The following LILRB1 variants were observed in gnomAD, a reference collection of about 807,000 sequenced individuals.
LILRB1 encodes the protein leukocyte immunoglobulin like receptor B1.
A neutral mutation model predicts 74.6 loss-of-function variants in LILRB1; 59 were observed. That is an observed-to-expected ratio of 0.79 (90% CI 0.64 to 0.98). The LOEUF (loss-of-function observed/expected upper bound fraction) is 0.98, where lower values mean the gene tolerates loss of function less well. Ranked by LOEUF, LILRB1 falls within the 50% of genes least tolerant of loss-of-function variation. The pLI, the probability that LILRB1 is intolerant of heterozygous loss-of-function variation, is 0.00. For synonymous variants in LILRB1, 328 were observed against 333.9 expected (o/e 0.98, Z 0.19); for missense variants, 804 against 822.6 (o/e 0.98, Z 0.28).
chr19:54,630,812 C>T (rs964702858), intron 1 of LILRB1, 179 bp downstream of exon 1: 4 of 761,948 alleles, frequency 5.2e-6, no homozygotes, highest in Non-Finnish European at 4.4e-6. Flanking sequence ...ACAAACCAGA[C>T]AGACGGTGGC....
In LILRB1 at chr19:54,632,613, G is replaced by C. The variant is rs201049465; in HGVS notation, c.811G>C (p.Ala271Pro). The C allele has an allele frequency of 1.9e-6, 3 of 1,613,104 alleles. No homozygotes were observed. The highest frequency in any genetic ancestry group is 2.2e-5 in the East Asian group (1 of 44,836). The change falls in exon 6 of 15, where the codon GCA becomes CCA. Residue 271 changes from alanine to proline, a missense_variant. Physicochemically the swap from Ala to Pro is conservative, Grantham distance 27. Coordinates refer to ENST00000324602, the MANE Select transcript of LILRB1 (RefSeq NM_001081637.3). ...ACGTGACTTCCTTCAGCTCGCTGGC[G>C]CACAGCCCCAGGCTGGGCTCTCCCA... ...GERDFLQLAG[A>P]QPQAGLSQAN... is the part of the protein sequence containing the mutation.
intron 5 of LILRB1, 31 bp downstream of exon 5, chr19:54,632,268 C>T: frequency 6.3e-7 from 1 of 1,598,442 alleles, no homozygotes; most frequent in Non-Finnish European, 8.5e-7. Context: ...CCTGGAGTTC[C>T]CTGAGTCTCC....
At chr19:54,635,904 G>T in intron 13 of LILRB1, 1 of 630,764 alleles carries the variant, frequency 1.6e-6, no homozygotes, top group Non-Finnish European at 3.0e-6. Context: ...CGGTCCCCCA[G>T]GCTCCCCTTC....
rs1006896808 is a variant in LILRB1, at chr19:54,635,038, A to C, written c.1487-66A>C. On this transcript the variant is annotated intron_variant, in intron 10 of 14. Coordinates refer to ENST00000324602, the MANE Select transcript of LILRB1 (RefSeq NM_001081637.3). ...TTTTAGGTTTCCTTCCTTACCTTCG[A>C]GCTGTGTGTGCAGGGCAGGGGGCTC... 2.7e-5 allele frequency: 34 copies of C among 1,282,722 alleles called. No homozygotes were observed. The African/African-American group carries it at 4.7e-4, about 18-fold the overall frequency. 79.5% of individuals were successfully genotyped at this position (1,282,722 alleles called of 1,614,324 possible). A position where few individuals can be genotyped will look rare whatever the true frequency, so the allele number is the denominator to read the frequency against.
chr19:54,633,242 C>T lies in LILRB1; in HGVS notation c.1185C>T (p.Tyr395=). The change falls in exon 7 of 15, where the codon TAC becomes TAT. Residue 395 remains tyrosine, a synonymous_variant. Transcript: ENST00000324602. The part of the protein sequence containing the change: ...GPVTSAHAGT[Y]RCYGSQSSKP... ...TGACCTCAGCCCATGCGGGGACCTACAGGTGCTACGGCTCACAGAGCTCCA... is the reference window on the plus strand; with the variant it reads ...TGACCTCAGCCCATGCGGGGACCTATAGGTGCTACGGCTCACAGAGCTCCA... The T allele has an allele frequency of 6.2e-7, 1 of 1,614,146 alleles. No homozygotes were observed.
intron 1 of LILRB1, among the ~76,000 whole-genome samples, chr19:54,619,115 G>A (rs111791924): frequency 0.045 from 6,835 of 152,014 alleles, 214 homozygotes; most frequent in Non-Finnish European, 0.063. Flanking sequence ...CAAGATAAAT[G>A]GAAACAGGAA....
At chr19:54,623,397 A>G (rs900895371) in intron 1 of LILRB1, among the ~76,000 whole-genome samples, 3 of 152,230 alleles carry the variant, frequency 2.0e-5, no homozygotes, top group Middle Eastern at 3.4e-3. Flanking sequence ...AGGAAGTTGT[A>G]TGTGTCTAGG....
chr19:54,632,600 T>G lies in LILRB1; in HGVS notation c.798T>G (p.Leu266=). ...VLYKDGERDF[L]QLAGAQPQAG... is the part of the protein sequence containing the mutation. The stretch of plus-strand genomic sequence containing the variant: ...ATAAGGACGGGGAACGTGACTTCCT[T>G]CAGCTCGCTGGCGCACAGCCCCAGG... Residue 266 remains leucine, a synonymous_variant, in exon 6 of 15, where the codon CTT becomes CTG. Transcript: ENST00000324602. The G allele has an allele frequency of 2.5e-6, 4 of 1,613,814 alleles. No individual in the cohort carries two copies. The highest frequency in any genetic ancestry group is 1.1e-5 in the South Asian group (1 of 91,072).
chr19:54,632,336 G>A lies in LILRB1; in HGVS notation c.661+99G>A, dbSNP rs555491205. ...GTTCCAGGTGGGATGATGTTGGGGCGAGAGGGCTCAGGGCTCCTGGGGCCA... is the reference window on the plus strand; with the variant it reads ...GTTCCAGGTGGGATGATGTTGGGGCAAGAGGGCTCAGGGCTCCTGGGGCCA... On this transcript the variant is annotated intron_variant, in intron 5 of 14. Coordinates refer to ENST00000324602, the MANE Select transcript of LILRB1 (RefSeq NM_001081637.3). 5.1e-6 allele frequency: 8 copies of A among 1,554,218 alleles called. No homozygotes were observed. In the Admixed American group the frequency reaches 5.5e-5, roughly 11 times the overall value.
In LILRB1 at chr19:54,635,712, G is replaced by A. The variant is rs575799938; in HGVS notation, c.1653+103G>A. ...TTCCCCCGGCTCTCAGCATCGTCAC[G>A]GTGGACCCCTCCTTGTCCAGCACGC... On this transcript the variant is annotated intron_variant, in intron 13 of 14. Coordinates refer to ENST00000324602, the MANE Select transcript of LILRB1 (RefSeq NM_001081637.3). The A allele has an allele frequency of 9.9e-5, 132 of 1,328,006 alleles. 1 individual carries two copies. In the African/African-American group the frequency reaches 1.4e-3, roughly 14 times the overall value. 82.3% of individuals were successfully genotyped at this position (1,328,006 alleles called of 1,614,324 possible). A position where few individuals can be genotyped will look rare whatever the true frequency, so the allele number is the denominator to read the frequency against.
chr19:54,633,368 C>T lies in LILRB1; in HGVS notation c.1261+50C>T, dbSNP rs572529468. 126 of 1,575,816 alleles carry T rather than the reference C, an allele frequency of 8.0e-5. No homozygotes were observed. The South Asian group carries it at 1.3e-3, about 16-fold the overall frequency. On this transcript the variant is annotated intron_variant, in intron 7 of 14. Coordinates refer to ENST00000324602, the MANE Select transcript of LILRB1 (RefSeq NM_001081637.3). ...CTGAGCTCAAAGTCTCAGCTCAGAC[C>T]CTGCCCCAGGAGAGCTCTGGGCTGG...
chr19:54,620,753 T>G (rs560938742), intron 1 of LILRB1, among the ~76,000 whole-genome samples: 1 of 152,332 alleles, frequency 6.6e-6, no homozygotes, highest in Admixed American at 6.5e-5. Flanking sequence ...ATGAAGCATA[T>G]GAACCAAGTA....
rs372648620 is a variant in LILRB1 at position 54,632,612 on chromosome 19, C to T, written c.810C>T (p.Gly270=). 2.0e-5 allele frequency: 33 copies of T among 1,614,128 alleles called. No individual in the cohort carries two copies. Among genetic ancestry groups the T allele is most frequent in the Admixed American group, 1.5e-4 (9 of 60,026 alleles). ...DGERDFLQLA[G]AQPQAGLSQA... ...AACGTGACTTCCTTCAGCTCGCTGG[C>T]GCACAGCCCCAGGCTGGGCTCTCCC... The change falls in exon 6 of 15, where the codon GGC becomes GGT. Residue 270 remains glycine, a synonymous_variant. Transcript: ENST00000324602.
Position 54,636,535 on chromosome 19 carries a change from C to T in LILRB1, c.1695C>T (p.Ala565=), listed in dbSNP as rs534208525. The part of the protein sequence containing the change: ...HDEDPQAVTY[A]EVKHSRPRRE... ...AAGACCCCCAGGCAGTGACGTATGC[C>T]GAGGTGAAACACTCCAGACCTAGGA... The change falls in exon 14 of 15, where the codon GCC becomes GCT. Residue 565 remains alanine (A), a synonymous_variant. Coordinates refer to ENST00000324602, the MANE Select transcript of LILRB1 (RefSeq NM_001081637.3). 3.0e-5 allele frequency: 49 copies of T among 1,611,722 alleles called. No individual in the cohort carries two copies. In the South Asian group the frequency reaches 4.1e-4, roughly 13 times the overall value.
chr19:54,634,958 G>A, intron 10 of LILRB1, 146 bp from the exon 11 acceptor site: 1 of 1,446,466 alleles, frequency 6.9e-7, no homozygotes, highest in Non-Finnish European at 9.4e-7. Context: ...AATGTAAAGT[G>A]TCCTTCGGGC....
At position 54,633,405 on chromosome 19, in the gene LILRB1, C is replaced by T. The variant is rs186483406; in HGVS notation, c.1261+87C>T. 1.0e-4 allele frequency: 152 copies of T among 1,517,774 alleles called. 1 individual carries two copies. The East Asian group carries it at 2.5e-3, about 25-fold the overall frequency. 94.0% of individuals were successfully genotyped at this position (1,517,774 alleles called of 1,614,324 possible). A position where few individuals can be genotyped will look rare whatever the true frequency, so the allele number is the denominator to read the frequency against. On this transcript the variant is annotated intron_variant, in intron 7 of 14. Transcript: ENST00000324602. ...GAGCTCTGGGCTGGGATGGAGTGAG[C>T]GGGGGTCTGAGAGGGGCTCAGCCAG...
chr19:54,618,248 T>C (rs111456904), intron 1 of LILRB1, among the ~76,000 whole-genome samples: 22 of 152,296 alleles, frequency 1.4e-4, no homozygotes, highest in African/African-American at 5.3e-4. Flanking sequence ...GTGTACATAA[T>C]GTTTCACTAC....
intron 1 of LILRB1, among the ~76,000 whole-genome samples, chr19:54,621,801 A>G (rs1255486747): frequency 1.3e-5 from 2 of 152,136 alleles, no homozygotes; most frequent in African/African-American, 4.8e-5. Context: ...ATTTTGCTTT[A>G]GGAATTACAT....
chr19:54,632,537 G>T lies in LILRB1; in HGVS notation c.735G>T (p.Gln245His), dbSNP rs201906215. ...CCCCTGAGGAGACCCTGACTCTGCA[G>T]TGTGGCTCTGATGCTGGCTACAACA... Reference protein sequence around the residue: ...IVAPEETLTLQCGSDAGYNRF... With the variant: ...IVAPEETLTLHCGSDAGYNRF... Residue 245 changes from glutamine (Q) to histidine (H), a missense_variant, in exon 6 of 15, where the codon CAG becomes CAT. By Grantham distance (24) the Gln-to-His change is conservative (BLOSUM62 0). Transcript: ENST00000324602. The T allele has an allele frequency of 6.2e-7, 1 of 1,614,158 alleles. No individual in the cohort carries two copies.
Sources: allele counts gnomAD v4.1 joint callset (sites outside exome capture counted in the v4.1 genomes callset), GRCh38; gene constraint gnomAD v4.1.1; transcripts MANE v1.5; gene names NCBI Gene and HGNC (gene_info 2026-07-23, HGNC 2026-07-21).